Variants in DENND1A observed in about 807,000 individuals in gnomAD.
DENND1A encodes the protein DENN domain containing 1A, also known as DENN domain-containing protein 1A.
Under a neutral mutation model 113.7 loss-of-function variants are expected in DENND1A, and 51 were observed. That is an observed-to-expected ratio of 0.45 (90% CI 0.36 to 0.57). The LOEUF (loss-of-function observed/expected upper bound fraction) is 0.57, where lower values mean the gene tolerates loss of function less well. Ranked by LOEUF, DENND1A falls within the 20% of genes least tolerant of loss-of-function variation. The probability of loss-of-function intolerance (pLI) is 0.00; values close to 1 mark genes in which losing one functional copy is unlikely to be tolerated. For synonymous variants in DENND1A, 565 were observed against 570.8 expected (o/e 0.99, Z 0.14); for missense variants, 1,258 against 1,395.9 (o/e 0.90, Z 1.57).
chr9:123,540,099 A>T (rs1424134791), intron 13 of DENND1A, among the ~76,000 whole-genome samples: 1 of 152,214 alleles, frequency 6.6e-6, no homozygotes, highest in Non-Finnish European at 1.5e-5. Flanking sequence ...TGAGAAAGAA[A>T]ATCTTGTATC....
chr9:123,453,431 T>C (rs1416060438), intron 16 of DENND1A, among the ~76,000 whole-genome samples: 1 of 152,154 alleles, frequency 6.6e-6, no homozygotes, highest in South Asian at 2.1e-4. Flanking sequence ...CCATGGCGTA[T>C]GCTGTAACAA....
intron 12 of DENND1A, among the ~76,000 whole-genome samples, chr9:123,564,291 T>C (rs2057928671): frequency 6.6e-6 from 1 of 152,264 alleles, no homozygotes; most frequent in East Asian, 1.9e-4. Context: ...TGGGAGTGGA[T>C]GGCAGACTAT....
chr9:123,498,427 G>A (rs961412740), intron 13 of DENND1A, among the ~76,000 whole-genome samples: 3 of 152,206 alleles, frequency 2.0e-5, no homozygotes, highest in Non-Finnish European at 4.4e-5. Context: ...GTCAACAGCT[G>A]AGCTTGTCCA....
intron 13 of DENND1A, among the ~76,000 whole-genome samples, chr9:123,516,320 C>T (rs1316808450): frequency 6.6e-6 from 1 of 151,830 alleles, no homozygotes; most frequent in Admixed American, 6.6e-5. Context: ...GTATTTGTTA[C>T]AATTTTATAA....
intron 1 of DENND1A, among the ~76,000 whole-genome samples, chr9:123,917,499 A>G (rs1588241423): frequency 6.6e-6 from 1 of 152,274 alleles, no homozygotes. Flanking sequence ...TTCCAATGTA[A>G]AAGTGATGAG....
intron 19 of DENND1A, among the ~76,000 whole-genome samples, chr9:123,418,278 T>C (rs1019901069): frequency 6.6e-6 from 1 of 152,194 alleles, no homozygotes; most frequent in African/African-American, 2.4e-5. Context: ...GAAGGCATGA[T>C]TGACACAGAA....
chr9:123,607,708 G>A (rs1345636668), intron 11 of DENND1A, among the ~76,000 whole-genome samples: 1 of 150,712 alleles, frequency 6.6e-6, no homozygotes, highest in African/African-American at 2.4e-5. Context: ...AACCCCAGCT[G>A]AGTCATTGAC....
chr9:123,927,120 T>C (rs1857254651), intron 1 of DENND1A, among the ~76,000 whole-genome samples: 1 of 152,192 alleles, frequency 6.6e-6, no homozygotes, highest in Admixed American at 6.5e-5. Context: ...TTTCATGAAA[T>C]GGTTCACATT....
At chr9:123,783,961 A>G (rs536196510) in intron 3 of DENND1A, among the ~76,000 whole-genome samples, 5 of 152,344 alleles carry the variant, frequency 3.3e-5, no homozygotes, top group Admixed American at 6.5e-5. Flanking sequence ...TGAAGTGACT[A>G]ATTTCATCAG....
chr9:123,929,358 G>C (rs1190861947), intron 1 of DENND1A, among the ~76,000 whole-genome samples: 3 of 152,274 alleles, frequency 2.0e-5, no homozygotes, highest in East Asian at 3.9e-4. Context: ...CAGATAAGAG[G>C]GGGGAAATAG....
At chr9:123,865,705 A>T (rs754548095) in intron 2 of DENND1A, among the ~76,000 whole-genome samples, 7 of 152,056 alleles carry the variant, frequency 4.6e-5, no homozygotes, top group Non-Finnish European at 8.8e-5. Context: ...AAATGTGATG[A>T]TAATATGAGA....
At chr9:123,737,188 G>GGTTGTT (rs574289872) in intron 5 of DENND1A, among the ~76,000 whole-genome samples, 3 of 151,966 alleles carry the variant, frequency 2.0e-5, no homozygotes, top group East Asian at 1.9e-4. Context: ...ACTCAGTTTT[G>GGTTGTT]GTTGTTGTTG....
intron 21 of DENND1A, among the ~76,000 whole-genome samples, chr9:123,402,194 CT>C (rs2043528270): frequency 6.6e-6 from 1 of 152,208 alleles, no homozygotes; most frequent in African/African-American, 2.4e-5. Flanking sequence ...GGAGTCCTCT[CT>C]TCCAAATGTC....
At chr9:123,455,101 C>A (rs560399415) in intron 15 of DENND1A, among the ~76,000 whole-genome samples, 1 of 152,212 alleles carries the variant, frequency 6.6e-6, no homozygotes, top group African/African-American at 2.4e-5. Context: ...GGATTACAGT[C>A]GTGAGCCACC....
At chr9:123,928,728 C>T in intron 1 of DENND1A, 2 of 985,472 alleles carry the variant, frequency 2.0e-6, no homozygotes, top group Non-Finnish European at 1.2e-6. Flanking sequence ...ACTGCACGGG[C>T]ATCACCTGGA....
intron 12 of DENND1A, among the ~76,000 whole-genome samples, chr9:123,562,793 T>C (rs2057833462): frequency 2.0e-5 from 3 of 152,142 alleles, no homozygotes. Flanking sequence ...CTGTGAAGCC[T>C]GCCCTGACCA....
intron 18 of DENND1A, among the ~76,000 whole-genome samples, chr9:123,442,107 T>C (rs1301443690): frequency 6.6e-6 from 1 of 152,230 alleles, no homozygotes; most frequent in Non-Finnish European, 1.5e-5. Flanking sequence ...GGAATTACCA[T>C]ATTACTACCA....
intron 1 of DENND1A, among the ~76,000 whole-genome samples, chr9:123,887,903 G>A (rs1564449328): frequency 6.6e-6 from 1 of 152,170 alleles, no homozygotes; most frequent in East Asian, 1.9e-4. Flanking sequence ...TTGAAATGCA[G>A]ATATTAGAAT....
chr9:123,749,766 A>C (rs566552682), intron 5 of DENND1A, among the ~76,000 whole-genome samples: 14 of 152,152 alleles, frequency 9.2e-5, no homozygotes, highest in Non-Finnish European at 1.9e-4. Context: ...AGAGAGCAAA[A>C]AACAAGGCAG....
Sources: allele counts gnomAD v4.1 joint callset (sites outside exome capture counted in the v4.1 genomes callset), GRCh38; gene constraint gnomAD v4.1.1; transcripts MANE v1.5; gene names NCBI Gene and HGNC (gene_info 2026-07-23, HGNC 2026-07-21).